TLN2: variants seen among roughly 807,000 people sequenced by gnomAD.
TLN2 encodes the protein talin 2.
A neutral mutation model predicts 294.7 loss-of-function variants in TLN2; 118 were observed. The ratio of observed to expected loss-of-function variants is 0.40; its 90% confidence interval spans 0.34 to 0.47. The LOEUF is 0.47. Ranked by LOEUF, TLN2 falls within the 20% of genes least tolerant of loss-of-function variation. The probability of loss-of-function intolerance (pLI) is 0.84; values close to 1 mark genes in which losing one functional copy is unlikely to be tolerated. For missense variants in TLN2, 3,083 were observed against 3,282.2 expected (o/e 0.94, Z 1.48); for synonymous variants, 1,431 against 1,304.5 (o/e 1.10, Z -2.09).
chr15:62,732,514 C>G (rs984495560), intron 28 of TLN2, among the ~76,000 whole-genome samples: 3 of 152,276 alleles, frequency 2.0e-5, no homozygotes, highest in Middle Eastern at 3.4e-3. Context: ...GCCTCATAAG[C>G]TAAAATAAAT....
Position 62,687,587 on chromosome 15 carries a change from C to G in TLN2, c.1113+791C>G, listed in dbSNP as rs79176957. ...ACAATAGAGCGGGTGGTTGGTAGGG[C>G]AAGATGTGCAATAAGAAAAATCAAA... On this transcript the variant is annotated intron_variant, in intron 12 of 58. Coordinates refer to ENST00000636159, the MANE Select transcript of TLN2 (RefSeq NM_015059.3). Among the ~76,000 whole-genome samples, 7 of 152,192 alleles carry G rather than the reference C, an allele frequency of 4.6e-5. No homozygotes were observed. The East Asian group carries it at 1.4e-3, about 29-fold the overall frequency.
chr15:62,597,311 T>A (rs1436528081), intron 2 of TLN2, among the ~76,000 whole-genome samples: 1 of 152,168 alleles, frequency 6.6e-6, no homozygotes, highest in East Asian at 1.9e-4. Flanking sequence ...AACCAGTAAG[T>A]GGTATTTCCT....
chr15:62,522,715 C>A (rs1039690083), intron 1 of TLN2, among the ~76,000 whole-genome samples: 1 of 151,980 alleles, frequency 6.6e-6, no homozygotes, highest in Non-Finnish European at 1.5e-5. Flanking sequence ...TCTGCCTTTT[C>A]TTGTTGTATT....
In TLN2 at chr15:62,719,763, G is replaced by T. The variant is rs779126663; in HGVS notation, c.2878-4G>T. ...TGCTGTTTTTATTTCCTTGCCTTCTGCAGGCAGTGGCTGATCACATCCCTC... is the reference window on the plus strand; with the variant it reads ...TGCTGTTTTTATTTCCTTGCCTTCTTCAGGCAGTGGCTGATCACATCCCTC... On this transcript the variant is annotated splice_region_variant and splice_polypyrimidine_tract_variant and intron_variant, in intron 24 of 58. Coordinates refer to ENST00000636159, the MANE Select transcript of TLN2 (RefSeq NM_015059.3). The T allele has an allele frequency of 1.3e-6, 2 of 1,593,994 alleles. No individual in the cohort carries two copies. The highest frequency in any genetic ancestry group is 1.7e-6 in the Non-Finnish European group (2 of 1,169,632).
chr15:62,620,837 C>CTTTTTTT (rs71129016), intron 3 of TLN2, among the ~76,000 whole-genome samples: 15 of 66,396 alleles, frequency 2.3e-4, no homozygotes, highest in East Asian at 1.4e-3. Flanking sequence ...CTTTCTTTTT[C>CTTTTTTT]TTTTTTTTTT....
At chr15:62,467,975 A>G (rs540677913) in intron 1 of TLN2, among the ~76,000 whole-genome samples, 44 of 152,190 alleles carry the variant, frequency 2.9e-4, no homozygotes, top group Non-Finnish European at 6.2e-4. Flanking sequence ...AAGTTCACAC[A>G]CTTATCACCA....
intron 1 of TLN2, among the ~76,000 whole-genome samples, chr15:62,481,798 CTTTTTT>C (rs60002079): frequency 2.6e-5 from 3 of 115,744 alleles, no homozygotes; most frequent in African/African-American, 7.1e-5. Context: ...TTCTTTCTTT[CTTTTTT>C]TTTTTTTTTT....
chr15:62,529,709 A>C (rs2040939058), intron 1 of TLN2, among the ~76,000 whole-genome samples: 1 of 152,166 alleles, frequency 6.6e-6, no homozygotes, highest in Non-Finnish European at 1.5e-5. Context: ...TTTAAGCACA[A>C]GTGATAGTAT....
intron 19 of TLN2, among the ~76,000 whole-genome samples, chr15:62,706,298 A>G (rs962000396): frequency 5.3e-5 from 8 of 152,268 alleles, no homozygotes; most frequent in Admixed American, 2.0e-4. Context: ...GATGGGTGAC[A>G]AATCTGGTAG....
At chr15:62,811,310 G>A (rs1226876188) in intron 52 of TLN2, among the ~76,000 whole-genome samples, 2 of 152,210 alleles carry the variant, frequency 1.3e-5, no homozygotes, top group African/African-American at 2.4e-5. Flanking sequence ...TGTATCATAT[G>A]TAGGCCAAGG....
intron 32 of TLN2, among the ~76,000 whole-genome samples, chr15:62,747,923 C>A (rs892559625): frequency 1.3e-5 from 2 of 152,072 alleles, no homozygotes; most frequent in Admixed American, 6.6e-5. Context: ...GGTCTTCATC[C>A]TCATATTCGT....
chr15:62,511,617 C>T (rs1211583), intron 1 of TLN2, among the ~76,000 whole-genome samples: 6,324 of 150,834 alleles, frequency 0.042, 446 homozygotes, highest in African/African-American at 0.15. Flanking sequence ...GCGTGAGAAG[C>T]GGAGTCCTTT....
chr15:62,739,816 G>T (rs1490668342), intron 31 of TLN2, among the ~76,000 whole-genome samples: 2 of 152,198 alleles, frequency 1.3e-5, no homozygotes, highest in African/African-American at 2.4e-5. Flanking sequence ...TTTGGAGGGA[G>T]GGTAGGAGGA....
At chr15:62,650,631 C>T (rs2052482057) in intron 5 of TLN2, among the ~76,000 whole-genome samples, 1 of 152,216 alleles carries the variant, frequency 6.6e-6, no homozygotes. Flanking sequence ...GTAGTAGTAA[C>T]AGCAACAACA....
chr15:62,617,461 G>C (rs1421658667), intron 2 of TLN2, among the ~76,000 whole-genome samples: 2 of 151,988 alleles, frequency 1.3e-5, no homozygotes, highest in African/African-American at 4.8e-5. Flanking sequence ...ACCTATCCTT[G>C]TTTGCACATT....
intron 28 of TLN2, among the ~76,000 whole-genome samples, chr15:62,735,224 T>C (rs1201285541): frequency 6.6e-6 from 1 of 152,178 alleles, no homozygotes; most frequent in Non-Finnish European, 1.5e-5. Flanking sequence ...AGCTCTAGGG[T>C]AAGCTGTTCA....
At chr15:62,533,966 G>A (rs2041191288) in intron 1 of TLN2, among the ~76,000 whole-genome samples, 1 of 152,190 alleles carries the variant, frequency 6.6e-6, no homozygotes, top group Admixed American at 6.5e-5. Context: ...TTAACAAGAA[G>A]CAGTCACTTG....
intron 1 of TLN2, among the ~76,000 whole-genome samples, chr15:62,504,091 C>T (rs1291397168): frequency 1.3e-5 from 2 of 152,198 alleles, no homozygotes; most frequent in African/African-American, 4.8e-5. Flanking sequence ...CAGAGATTTG[C>T]TGTTTTCCAG....
intron 1 of TLN2, among the ~76,000 whole-genome samples, chr15:62,426,287 C>T (rs1274466128): frequency 1.3e-5 from 2 of 152,204 alleles, no homozygotes; most frequent in Non-Finnish European, 2.9e-5. Flanking sequence ...CTTTTTCCCT[C>T]TCCCCATTTC....
Sources: gnomAD v4.1 joint callset for allele counts (sites outside exome capture counted in the v4.1 genomes callset) on GRCh38, gnomAD v4.1.1 for gene constraint, MANE v1.5 for transcripts, NCBI Gene and HGNC (gene_info 2026-07-23, HGNC 2026-07-21) for gene names.